The following NALCN variants were observed in gnomAD, a reference collection of about 807,000 sequenced individuals.
The protein encoded by NALCN is sodium leak channel NALCN.
In NALCN, 111 loss-of-function variants were observed where a neutral mutation model predicts 225.3. The observed-to-expected ratio is 0.49, with a 90% CI of 0.42 to 0.58. The LOEUF (loss-of-function observed/expected upper bound fraction) is 0.58. NALCN is among the 20% of genes least tolerant of loss of function. NALCN has a pLI of 0.00. For missense variants in NALCN, 1,378 were observed against 2,202.4 expected (o/e 0.63, Z 7.49); for synonymous variants, 764 against 769.0 (o/e 0.99, Z 0.11).
chr13:101,347,989 C>A (rs2045794022), intron 6 of NALCN, among the ~76,000 whole-genome samples: 1 of 152,110 alleles, frequency 6.6e-6, no homozygotes, highest in African/African-American at 2.4e-5. Context: ...TAGAACTATG[C>A]AGCTAAGAGA....
rs71121188 is a variant in NALCN, at chr13:101,346,087, C to CTATATATATA, written c.645-677_645-668dup. On this transcript the variant is annotated intron_variant, in intron 6 of 43. Coordinates refer to ENST00000251127, the MANE Select transcript of NALCN (RefSeq NM_052867.4). Reference sequence around the variant, plus strand: ...TCTCTCTCTCTCTCTCTCTCTCTCTCTATATATATATATATATATATATAT... The same window carrying CTATATATATA: ...TCTCTCTCTCTCTCTCTCTCTCTCTCTATATATATATATATATATATATATATATATATAT... Among the ~76,000 whole-genome samples the CTATATATATA allele has an allele frequency of 6.5e-4, 46 of 70,948 alleles. 1 individual carries two copies. The highest frequency in any genetic ancestry group is 1.6e-3 in the Admixed American group (8 of 5,108). 46.5% of individuals were successfully genotyped at this position (70,948 alleles called of 152,430 possible).
At chr13:101,152,121 C>T (rs1055934325) in intron 15 of NALCN, among the ~76,000 whole-genome samples, 5 of 152,128 alleles carry the variant, frequency 3.3e-5, no homozygotes, top group Admixed American at 1.3e-4. Context: ...ATTATTTGGA[C>T]GCATCGACTG....
chr13:101,334,463 T>C (rs200843737), intron 7 of NALCN, among the ~76,000 whole-genome samples: 2,713 of 111,588 alleles, frequency 0.024, 35 homozygotes, highest in African/African-American at 0.065. Flanking sequence ...ATGGGATGAA[T>C]ACATACATTC....
chr13:101,222,666 C>T (rs1296887332), intron 13 of NALCN, among the ~76,000 whole-genome samples: 1 of 152,156 alleles, frequency 6.6e-6, no homozygotes, highest in Non-Finnish European at 1.5e-5. Context: ...GCCCAACAAG[C>T]AGAATTAGTT....
chr13:101,394,241 T>G (rs912995897), intron 3 of NALCN, among the ~76,000 whole-genome samples: 1 of 152,228 alleles, frequency 6.6e-6, no homozygotes, highest in Non-Finnish European at 1.5e-5. Context: ...GCATTGTCTG[T>G]GATCTCTGTC....
At chr13:101,142,025 G>GAT (rs1223521219) in intron 17 of NALCN, among the ~76,000 whole-genome samples, 3 of 150,896 alleles carry the variant, frequency 2.0e-5, no homozygotes, top group African/African-American at 7.3e-5. Flanking sequence ...TGACCAAGCT[G>GAT]ATATATATAG....
At chr13:101,080,746 C>T (rs892906381) in intron 34 of NALCN, among the ~76,000 whole-genome samples, 18 of 131,672 alleles carry the variant, frequency 1.4e-4, no homozygotes, top group African/African-American at 1.9e-4. Context: ...AAATATATTA[C>T]ATAATTAAAT....
At chr13:101,238,579 A>G (rs1001387043) in intron 11 of NALCN, among the ~76,000 whole-genome samples, 8 of 152,104 alleles carry the variant, frequency 5.3e-5, no homozygotes, top group African/African-American at 1.4e-4. Context: ...ATTATAAAAC[A>G]CACACATAAA....
At chr13:101,302,742 G>A (rs188730313) in intron 7 of NALCN, among the ~76,000 whole-genome samples, 1 of 152,174 alleles carries the variant, frequency 6.6e-6, no homozygotes, top group Non-Finnish European at 1.5e-5. Flanking sequence ...GCTTGTACAT[G>A]GGGAAATTGT....
chr13:101,121,594 A>G (rs597627), intron 18 of NALCN, among the ~76,000 whole-genome samples: 33,506 of 152,078 alleles, frequency 0.22, 4,096 homozygotes, highest in East Asian at 0.4. Context: ...ATGAAATTAA[A>G]AACACCTAGA....
chr13:101,076,754 C>A (rs572991128), intron 34 of NALCN, among the ~76,000 whole-genome samples: 1 of 152,276 alleles, frequency 6.6e-6, no homozygotes, highest in Non-Finnish European at 1.5e-5. Context: ...CTTCCAAGAC[C>A]AAAGAGGTTC....
chr13:101,275,500 A>C (rs940880438), intron 10 of NALCN, among the ~76,000 whole-genome samples: 1 of 152,004 alleles, frequency 6.6e-6, no homozygotes, highest in Non-Finnish European at 1.5e-5. Context: ...TCTCATCCCC[A>C]TTTTCCATAA....
chr13:101,117,531 A>G (rs879523344), intron 18 of NALCN, among the ~76,000 whole-genome samples: 4 of 152,252 alleles, frequency 2.6e-5, no homozygotes, highest in Non-Finnish European at 5.9e-5. Flanking sequence ...CAGTGACAAA[A>G]TAACAAAAGA....
chr13:101,277,737 C>T (rs367962612), intron 10 of NALCN, among the ~76,000 whole-genome samples: 28 of 152,148 alleles, frequency 1.8e-4, no homozygotes, highest in East Asian at 1.5e-3. Context: ...TATTTCCACA[C>T]GATAGAGTCA....
chr13:101,112,830 G>A (rs533797347), intron 18 of NALCN, among the ~76,000 whole-genome samples: 9 of 152,014 alleles, frequency 5.9e-5, no homozygotes, highest in African/African-American at 1.7e-4. Context: ...TGTGCTTAGC[G>A]CACTTAAAAT....
chr13:101,126,013 T>G (rs1320608333), intron 17 of NALCN, among the ~76,000 whole-genome samples: 7 of 152,180 alleles, frequency 4.6e-5, no homozygotes, highest in Non-Finnish European at 1.0e-4. Context: ...TAGTTTCTTT[T>G]CAACAAGGGT....
chr13:101,246,419 C>T (rs1037459075), intron 11 of NALCN, among the ~76,000 whole-genome samples: 4 of 152,104 alleles, frequency 2.6e-5, no homozygotes, highest in South Asian at 2.1e-4. Context: ...TTCAGGCAAT[C>T]CCATTCTCTT....
rs531607198 is a variant in NALCN at position 101,396,950 on chromosome 13, A to T, written c.109-1585T>A. 2.0e-5 allele frequency among the ~76,000 whole-genome samples: 3 copies of T among 151,282 alleles called. No homozygotes were observed. The South Asian group carries it at 6.3e-4, about 32-fold the overall frequency. On this transcript the variant is annotated intron_variant, in intron 2 of 43. Coordinates refer to ENST00000251127, the MANE Select transcript of NALCN (RefSeq NM_052867.4). ...ATTCTCTATTCCATTCAATTCTCTA[A>T]GTATGAATGAAGGCCTACTATGTGT... is the stretch of plus-strand genomic sequence containing the variant.
At position 101,386,396 on chromosome 13, in the gene NALCN, C is replaced by G. The variant is rs934591804; in HGVS notation, c.292-7743G>C. Among the ~76,000 whole-genome samples, 3 of 152,108 alleles carry G rather than the reference C, an allele frequency of 2.0e-5. No individual in the cohort carries two copies. The South Asian group carries it at 6.2e-4, about 32-fold the overall frequency. The stretch of plus-strand genomic sequence containing the variant: ...GAGTGAACCAGGTTTTCTCTGAGGA[C>G]AGGAGCTCTGCTTGGTTTTGTCTGT... On this transcript the variant is annotated intron_variant, in intron 3 of 43. Transcript: ENST00000251127.
Sources: gnomAD v4.1 joint callset for allele counts (sites outside exome capture counted in the v4.1 genomes callset) on GRCh38, gnomAD v4.1.1 for gene constraint, MANE v1.5 for transcripts, NCBI Gene and HGNC (gene_info 2026-07-23, HGNC 2026-07-21) for gene names.